Variants in ADRA2C observed in about 807,000 individuals in gnomAD.
ADRA2C encodes the protein adrenoceptor alpha 2C.
ADRA2C carries 4 observed loss-of-function variants against 7.9 expected under a neutral mutation model. The ratio of observed to expected loss-of-function variants is 0.51; its 90% CI spans 0.25 to 1.16. ADRA2C has a LOEUF of 1.16. Among genes scored for constraint, ADRA2C ranks in the 50% most tolerant of loss-of-function variants. The probability of loss-of-function intolerance (pLI) is 0.15; values close to 1 mark genes in which losing one functional copy is unlikely to be tolerated. For missense variants in ADRA2C, 589 were observed against 677.7 expected, an observed-to-expected ratio of 0.87 and a Z score of 1.45; for synonymous variants, 368 against 328.9, an observed-to-expected ratio of 1.12 and a Z score of -1.29.
In ADRA2C at chr4:3,766,694, G is replaced by C. The variant is rs1735449176; in HGVS notation, c.88G>C (p.Gly30Arg). 7.0e-7 allele frequency: 1 copy of C among 1,429,292 alleles called. No homozygotes were observed. Among genetic ancestry groups the C allele is most frequent in the African/African-American group, 1.5e-5 (1 of 67,594 alleles). 88.5% of individuals were successfully genotyped at this position (1,429,292 alleles called of 1,614,324 possible). ...ASGAGERGSG[G>R]VANASGASWG... is the part of the protein sequence containing the mutation. ...CGGCGCGGGCGAGAGGGGCAGCGGC[G>C]GGGTTGCCAATGCCTCGGGGGCTTC... The change falls in exon 1 of 1, where the codon GGG becomes CGG. Residue 30 changes from glycine to arginine, a missense_variant. Physicochemically the swap from Gly to Arg is moderately radical, Grantham distance 125. Transcript: ENST00000330055. The surrounding 1 kb of genome is among the most constrained non-coding windows in gnomAD (Gnocchi z 4.5).
In ADRA2C at chr4:3,768,403, G is replaced by T; in HGVS notation, c.*408G>T. ...TGACTTCTCCAGGACCTAGTCGGGG[G>T]GTGGCTGCCAGGGGGCAAGGAGAAA... On this transcript the variant is annotated 3_prime_UTR_variant, in exon 1 of 1. Coordinates refer to ENST00000330055, the MANE Select transcript of ADRA2C (RefSeq NM_000683.4). 1 of 630,360 alleles carries T rather than the reference G, an allele frequency of 1.6e-6. No individual in the cohort carries two copies. The highest frequency in any genetic ancestry group is 2.9e-6 in the Non-Finnish European group (1 of 341,588). The allele number at this position is 630,360 out of a possible 1,614,324, so 39.0% of individuals were successfully genotyped here. A position where few individuals can be genotyped will look rare whatever the true frequency, so the allele number is the denominator to read the frequency against.
At position 3,767,301 on chromosome 4, in the gene ADRA2C, G is replaced by A. The variant is rs748507808; in HGVS notation, c.695G>A (p.Arg232His). 1 of 1,594,484 alleles carries A rather than the reference G, an allele frequency of 6.3e-7. No homozygotes were observed. Among genetic ancestry groups the A allele is most frequent in the Admixed American group, 1.7e-5 (1 of 57,680 alleles). ...CTCATCATGGGCCTGGTCTACGCGCGCATCTACCGAGTGGCCAAGCTGCGC... is the reference window on the plus strand; with the variant it reads ...CTCATCATGGGCCTGGTCTACGCGCACATCTACCGAGTGGCCAAGCTGCGC... ...PCLIMGLVYA[R>H]IYRVAKLRTR... The change falls in exon 1 of 1, where the codon CGC (arginine) becomes CAC (histidine). Residue 232 changes from arginine to histidine, a missense_variant. Arg to His is a conservative substitution (Grantham distance 29). Transcript: ENST00000330055.
rs971280380 is a variant in ADRA2C, at chr4:3,767,027, C to A, written c.421C>A (p.His141Asn). 2 of 1,611,398 alleles carry A rather than the reference C, an allele frequency of 1.2e-6. No individual in the cohort carries two copies. The highest frequency in any genetic ancestry group is 2.7e-5 in the African/African-American group (2 of 74,944). ...DVLFCTSSIV[H>N]LCAISLDRYW... ...GCTGTTTTGCACCTCGTCGATCGTG[C>A]ATCTGTGTGCCATCAGCCTGGACCG... is the stretch of plus-strand genomic sequence containing the variant. The change falls in exon 1 of 1, where the codon CAT (histidine) becomes AAT (asparagine). Residue 141 changes from histidine (H) to asparagine (N), a missense_variant. Coordinates refer to ENST00000330055, the MANE Select transcript of ADRA2C (RefSeq NM_000683.4).
Position 3,766,859 on chromosome 4 carries a change from C to T in ADRA2C, c.253C>T (p.Pro85Ser). Residue 85 changes from proline (P) to serine (S), a missense_variant, in exon 1 of 1, where the codon CCA (proline) becomes TCA (serine). Pro to Ser is a moderately conservative substitution (Grantham distance 74). Coordinates refer to ENST00000330055, the MANE Select transcript of ADRA2C (RefSeq NM_000683.4). This position sits in a 1 kb window ranked among gnomAD's most constrained non-coding sequence, Gnocchi z 4.5. ...GCTGACCAGCCGGGCGCTGCGCGCG[C>T]CACAGAACCTCTTCCTGGTGTCGCT... ...AVLTSRALRA[P>S]QNLFLVSLAS... 1.2e-6 allele frequency: 2 copies of T among 1,601,522 alleles called. No individual in the cohort carries two copies. Among genetic ancestry groups the T allele is most frequent in the Non-Finnish European group, 8.5e-7 (1 of 1,174,986 alleles).
In ADRA2C at chr4:3,767,430, A is replaced by T; in HGVS notation, c.824A>T (p.His275Leu). The change falls in exon 1 of 1, where the codon CAC becomes CTC. Residue 275 changes from histidine (H) to leucine (L), a missense_variant. Physicochemically the swap from His to Leu is moderately conservative, Grantham distance 99. Transcript: ENST00000330055. ...GAAAGAGENG[H>L]CAPPPADVEP... ...GCGGCAGGCGCAGGCGAGAACGGGC[A>T]CTGCGCGCCCCCGCCCGCCGACGTG... 1.3e-6 allele frequency: 2 copies of T among 1,514,824 alleles called. No homozygotes were observed. Among genetic ancestry groups the T allele is most frequent in the Non-Finnish European group, 1.8e-6 (2 of 1,139,246 alleles). 93.8% of individuals were successfully genotyped at this position (1,514,824 alleles called of 1,614,324 possible).
In ADRA2C at chr4:3,767,853, G is replaced by A. The variant is rs777233983; in HGVS notation, c.1247G>A (p.Gly416Asp). ...TGCCGCGAGGCCTGCCAGGTGCCCG[G>A]CCCGCTCTTCAAGTTCTTCTTCTGG... The part of the protein sequence containing the change: ...GICREACQVP[G>D]PLFKFFFWIG... Residue 416 changes from glycine (G) to aspartate (D), a missense_variant, in exon 1 of 1, where the codon GGC becomes GAC. Coordinates refer to ENST00000330055, the MANE Select transcript of ADRA2C (RefSeq NM_000683.4). 3.1e-6 allele frequency: 5 copies of A among 1,613,070 alleles called. No individual in the cohort carries two copies. The highest frequency in any genetic ancestry group is 4.2e-6 in the Non-Finnish European group (5 of 1,179,890).
Position 3,766,887 on chromosome 4 carries a change from C to T in ADRA2C, c.281C>T (p.Ala94Val). ...CAGAACCTCTTCCTGGTGTCGCTGG[C>T]CTCGGCCGACATCCTGGTGGCCACG... The part of the protein sequence containing the change: ...APQNLFLVSL[A>V]SADILVATLV... Residue 94 changes from alanine to valine, a missense_variant, in exon 1 of 1, where the codon GCC becomes GTC. Physicochemically the swap from Ala to Val is moderately conservative, Grantham distance 64. Coordinates refer to ENST00000330055, the MANE Select transcript of ADRA2C (RefSeq NM_000683.4). This position sits in a 1 kb window ranked among gnomAD's most constrained non-coding sequence, Gnocchi z 4.5. 6.2e-7 allele frequency: 1 copy of T among 1,606,472 alleles called. No homozygotes were observed. Among genetic ancestry groups the T allele is most frequent in the Non-Finnish European group, 8.5e-7 (1 of 1,177,384 alleles).
Position 3,768,007 on chromosome 4 carries a change from C to G in ADRA2C, c.*12C>G. ...GCTTCAGGCAGTGACTCGCACCCGT[C>G]TGGGAATCCTGGACAGCTCCGCGCT... On this transcript the variant is annotated 3_prime_UTR_variant, in exon 1 of 1. Coordinates refer to ENST00000330055, the MANE Select transcript of ADRA2C (RefSeq NM_000683.4). The G allele has an allele frequency of 6.3e-7, 1 of 1,599,902 alleles. No individual in the cohort carries two copies. Among genetic ancestry groups the G allele is most frequent in the Non-Finnish European group, 8.5e-7 (1 of 1,174,100 alleles).
chr4:3,766,892 G>A lies in ADRA2C; in HGVS notation c.286G>A (p.Ala96Thr). Residue 96 changes from alanine to threonine, a missense_variant, in exon 1 of 1, where the codon GCC becomes ACC. Coordinates refer to ENST00000330055, the MANE Select transcript of ADRA2C (RefSeq NM_000683.4). This position sits in a 1 kb window ranked among gnomAD's most constrained non-coding sequence, Gnocchi z 4.5. Reference sequence around the variant, plus strand: ...CCTCTTCCTGGTGTCGCTGGCCTCGGCCGACATCCTGGTGGCCACGCTGGT... The same window carrying A: ...CCTCTTCCTGGTGTCGCTGGCCTCGACCGACATCCTGGTGGCCACGCTGGT... ...QNLFLVSLAS[A>T]DILVATLVMP... is the part of the protein sequence containing the mutation. 1 of 1,609,984 alleles carries A rather than the reference G, an allele frequency of 6.2e-7. No homozygotes were observed.
rs755658748 is a variant in ADRA2C at position 3,766,906 on chromosome 4, G to A, written c.300G>A (p.Val100=). 7.5e-6 allele frequency: 12 copies of A among 1,610,550 alleles called. No individual in the cohort carries two copies. In the Admixed American group the frequency reaches 1.8e-4, roughly 25 times the overall value. ...LVSLASADIL[V]ATLVMPFSLA... ...CGCTGGCCTCGGCCGACATCCTGGT[G>A]GCCACGCTGGTCATGCCCTTCTCGT... Residue 100 remains valine, a synonymous_variant, in exon 1 of 1, where the codon GTG becomes GTA. Coordinates refer to ENST00000330055, the MANE Select transcript of ADRA2C (RefSeq NM_000683.4). This position sits in a 1 kb window ranked among gnomAD's most constrained non-coding sequence, Gnocchi z 4.5.
In ADRA2C at chr4:3,768,247, C is replaced by G. The variant is rs1264033381; in HGVS notation, c.*252C>G. On this transcript the variant is annotated 3_prime_UTR_variant, in exon 1 of 1. Coordinates refer to ENST00000330055, the MANE Select transcript of ADRA2C (RefSeq NM_000683.4). ...TGGGGCTCCCTGCCTGGATCCAGCT[C>G]TGGGAGCCCTGCCGAGGTGTGGCTG... The G allele has an allele frequency of 4.2e-6, 3 of 717,792 alleles. No homozygotes were observed. The highest frequency in any genetic ancestry group is 5.2e-6 in the Non-Finnish European group (2 of 385,734). The allele number at this position is 717,792 out of a possible 1,614,324, so 44.5% of individuals were successfully genotyped here.
chr4:3,767,146 C>T lies in ADRA2C; in HGVS notation c.540C>T (p.Ala180=). The change falls in exon 1 of 1, where the codon GCC becomes GCT. Residue 180 remains alanine, a synonymous_variant. Coordinates refer to ENST00000330055, the MANE Select transcript of ADRA2C (RefSeq NM_000683.4). The part of the protein sequence containing the change: ...ATIVAVWLIS[A]VISFPPLVSL... ...TCGTGGCCGTGTGGCTCATCTCGGC[C>T]GTCATCTCCTTCCCGCCGCTGGTCT... 2 of 1,608,362 alleles carry T rather than the reference C, an allele frequency of 1.2e-6. No individual in the cohort carries two copies. Among genetic ancestry groups the T allele is most frequent in the African/African-American group, 1.3e-5 (1 of 75,034 alleles).
In ADRA2C at chr4:3,766,918, C is replaced by A. The variant is rs146370385; in HGVS notation, c.312C>A (p.Val104=). The change falls in exon 1 of 1, where the codon GTC becomes GTA. Residue 104 remains valine, a synonymous_variant. Transcript: ENST00000330055. The surrounding 1 kb of genome is among the most constrained non-coding windows in gnomAD (Gnocchi z 4.5). ...CCGACATCCTGGTGGCCACGCTGGT[C>A]ATGCCCTTCTCGTTGGCCAACGAGC... The part of the protein sequence containing the change: ...ASADILVATL[V]MPFSLANELM... 2.9e-4 allele frequency: 462 copies of A among 1,610,450 alleles called. 2 individuals carry two copies. The African/African-American group carries it at 4.6e-3, about 16-fold the overall frequency.
Position 3,767,373 on chromosome 4 carries a change from C to A in ADRA2C, c.767C>A (p.Ala256Glu). 6.5e-7 allele frequency: 1 copy of A among 1,540,172 alleles called. No individual in the cohort carries two copies. Among genetic ancestry groups the A allele is most frequent in the Non-Finnish European group, 8.7e-7 (1 of 1,146,740 alleles). ...CGCGCCCCCGTGGGCCCCGACGGTG[C>A]GTCCCCGACTACCGAAAACGGGCTG... The part of the protein sequence containing the change: ...EKRAPVGPDG[A>E]SPTTENGLGA... Residue 256 changes from alanine to glutamate, a missense_variant, in exon 1 of 1, where the codon GCG (alanine) becomes GAG (glutamate). Physicochemically the swap from Ala to Glu is moderately radical, Grantham distance 107. Coordinates refer to ENST00000330055, the MANE Select transcript of ADRA2C (RefSeq NM_000683.4).
In ADRA2C at chr4:3,767,150, A is replaced by G. The variant is rs1735463751; in HGVS notation, c.544A>G (p.Ile182Val). The change falls in exon 1 of 1, where the codon ATC (isoleucine) becomes GTC (valine). Residue 182 changes from isoleucine (I) to valine (V), a missense_variant. By Grantham distance (29) the Ile-to-Val change is conservative. Transcript: ENST00000330055. ...GGCCGTGTGGCTCATCTCGGCCGTC[A>G]TCTCCTTCCCGCCGCTGGTCTCGCT... ...IVAVWLISAV[I>V]SFPPLVSLYR... 6.2e-7 allele frequency: 1 copy of G among 1,607,988 alleles called. No individual in the cohort carries two copies. Among genetic ancestry groups the G allele is most frequent in the Non-Finnish European group, 8.5e-7 (1 of 1,179,460 alleles).
rs1735497866 is a variant in ADRA2C at position 3,768,052 on chromosome 4, C to T, written c.*57C>T. On this transcript the variant is annotated 3_prime_UTR_variant, in exon 1 of 1. Coordinates refer to ENST00000330055, the MANE Select transcript of ADRA2C (RefSeq NM_000683.4). ...CGCGCTCGGGGCTGGGCAGAAGGGG[C>T]GGCCCGGACGGGGGAGCTTTCCCAG... 1.3e-6 allele frequency: 2 copies of T among 1,564,972 alleles called. No individual in the cohort carries two copies. Among genetic ancestry groups the T allele is most frequent in the Admixed American group, 3.6e-5 (2 of 56,214 alleles).
chr4:3,768,075 C>CAGAGACCCGGGGAGCTCTCCA lies in ADRA2C; in HGVS notation c.*93_*94insGCTCTCCAAGAGACCCGGGGA. 1 of 1,535,270 alleles carries CAGAGACCCGGGGAGCTCTCCA rather than the reference C, an allele frequency of 6.5e-7. No individual in the cohort carries two copies. The highest frequency in any genetic ancestry group is 1.9e-5 in the Admixed American group (1 of 53,538). On this transcript the variant is annotated 3_prime_UTR_variant, in exon 1 of 1. Transcript: ENST00000330055. ...GGCGGCCCGGACGGGGGAGCTTTCCCAGAGACCCGGGGATGGATTGGCCTC... is the reference window on the plus strand; with the variant it reads ...GGCGGCCCGGACGGGGGAGCTTTCCCAGAGACCCGGGGAGCTCTCCAAGAGACCCGGGGATGGATTGGCCTC...
Position 3,767,686 on chromosome 4 carries a change from G to C in ADRA2C, c.1080G>C (p.Arg360=), listed in dbSNP as rs972222330. The change falls in exon 1 of 1, where the codon CGG becomes CGC. Residue 360 remains arginine, a synonymous_variant. Transcript: ENST00000330055. ...CCGTCGAGTTCTTCCTGTCGCGCCGGCGCCGGGCGCGCAGCAGCGTGTGCC... is the reference window on the plus strand; with the variant it reads ...CCGTCGAGTTCTTCCTGTCGCGCCGCCGCCGGGCGCGCAGCAGCGTGTGCC... ...SRSVEFFLSR[R]RRARSSVCRR... The C allele has an allele frequency of 3.1e-6, 5 of 1,593,118 alleles. No homozygotes were observed. Among genetic ancestry groups the C allele is most frequent in the Non-Finnish European group, 4.3e-6 (5 of 1,171,838 alleles).
chr4:3,767,544 G>T lies in ADRA2C; in HGVS notation c.938G>T (p.Gly313Val). 9.6e-7 allele frequency: 1 copy of T among 1,043,726 alleles called. No homozygotes were observed. Among genetic ancestry groups the T allele is most frequent in the Non-Finnish European group, 1.2e-6 (1 of 869,312 alleles). 64.7% of individuals were successfully genotyped at this position (1,043,726 alleles called of 1,614,324 possible). A position where few individuals can be genotyped will look rare whatever the true frequency, so the allele number is the denominator to read the frequency against. Residue 313 changes from glycine (G) to valine (V), a missense_variant, in exon 1 of 1, where the codon GGG becomes GTG. Physicochemically the swap from Gly to Val is moderately radical, Grantham distance 109. Coordinates refer to ENST00000330055, the MANE Select transcript of ADRA2C (RefSeq NM_000683.4). Reference sequence around the variant, plus strand: ...GGGCGGCGGCGAGCGGGCGCGGAGGGGGGCGCGGGCGGTGCGGACGGGCAG... The same window carrying T: ...GGGCGGCGGCGAGCGGGCGCGGAGGTGGGCGCGGGCGGTGCGGACGGGCAG... ...RGGRRRAGAE[G>V]GAGGADGQGA...
Sources: gnomAD v4.1 joint callset for allele counts on GRCh38, gnomAD v4.1.1 for gene constraint, Gnocchi (gnomAD v3.1) non-coding constraint, MANE v1.5 for transcripts, NCBI Gene and HGNC (gene_info 2026-07-23, HGNC 2026-07-21) for gene names.